Variants in COL10A1 observed in about 807,000 individuals in gnomAD.
COL10A1 encodes collagen alpha-1(X) chain.
A neutral mutation model predicts 18.2 loss-of-function variants in COL10A1; 10 were observed. That is an observed-to-expected ratio of 0.55 (90% confidence interval 0.34 to 0.93). The LOEUF (loss-of-function observed/expected upper bound fraction) is 0.93, where lower values mean the gene tolerates loss of function less well. Ranked by LOEUF, COL10A1 falls within the 40% of genes least tolerant of loss-of-function variation. The probability of loss-of-function intolerance (pLI) is 0.02; values close to 1 mark genes in which losing one functional copy is unlikely to be tolerated. For synonymous variants in COL10A1, 330 were observed against 316.6 expected (o/e 1.04, Z -0.45); for missense variants, 897 against 853.5 (o/e 1.05, Z -0.64).
the COL10A1 span, among the ~76,000 whole-genome samples, chr6:116,165,098 G>GAAAAAAAAAA: frequency 2.1e-4 from 21 of 101,038 alleles, no homozygotes; most frequent in East Asian, 9.2e-4. Context: ...CTCCGTCTCA[G>GAAAAAAAAAA]AAAAAAAAAA....
At chr6:116,191,830 A>C in the COL10A1 span, among the ~76,000 whole-genome samples, 2 of 152,048 alleles carry the variant, frequency 1.3e-5, no homozygotes, top group African/African-American at 2.4e-5. Context: ...CCCAAACCTT[A>C]AGGCTGCCTG....
rs1487240242 is a variant in COL10A1, at chr6:116,120,616, G to A, written c.1500C>T (p.His500=). The change falls in exon 3 of 3, where the codon CAC becomes CAT. Residue 500 remains histidine, a synonymous_variant. Coordinates refer to ENST00000651968, the MANE Select transcript of COL10A1 (RefSeq NM_000493.4). Reference sequence around the variant, plus strand: ...GCCCTGGAAGACCAGGCTCTCCAGAGTGGCCTCTTGGACCTGGAGGCCCTG... The same window carrying A: ...GCCCTGGAAGACCAGGCTCTCCAGAATGGCCTCTTGGACCTGGAGGCCCTG... ...GPPGPPGPRG[H]SGEPGLPGPP... is the part of the protein sequence containing the mutation. The A allele has an allele frequency of 1.3e-6, 2 of 1,565,212 alleles. No homozygotes were observed. The highest frequency in any genetic ancestry group is 2.4e-5 in the South Asian group (2 of 82,054).
intron 1 of COL10A1, among the ~76,000 whole-genome samples, chr6:116,156,038 A>T (rs1271698531): frequency 1.3e-5 from 2 of 152,220 alleles, no homozygotes; most frequent in South Asian, 2.1e-4. Context: ...GTAATAAAAC[A>T]TTATGATAGT....
At chr6:116,174,287 G>A in the COL10A1 span, among the ~76,000 whole-genome samples, 2 of 152,098 alleles carry the variant, frequency 1.3e-5, no homozygotes, top group South Asian at 2.1e-4. Flanking sequence ...TGACGGGTAG[G>A]TGTTAAATTC....
chr6:116,121,086 C>CCAT lies in COL10A1; in HGVS notation c.1027_1029dup (p.Met343dup). 1 of 1,613,954 alleles carries CCAT rather than the reference C, an allele frequency of 6.2e-7. No individual in the cohort carries two copies. On this transcript the variant is annotated inframe_insertion, in exon 3 of 3. Coordinates refer to ENST00000651968, the MANE Select transcript of COL10A1 (RefSeq NM_000493.4). ...GGGATGCCTTTTGGTCCTTGGGGTC[C>CCAT]CATATTCCCAGGGGGTCCAGTCAGA...
At chr6:116,176,251 A>G in the COL10A1 span, among the ~76,000 whole-genome samples, 1 of 152,148 alleles carries the variant, frequency 6.6e-6, no homozygotes, top group African/African-American at 2.4e-5. Flanking sequence ...GCTCCAGCTA[A>G]TGTTTCAGCT....
the COL10A1 span, among the ~76,000 whole-genome samples, chr6:116,182,563 T>C: frequency 6.6e-6 from 1 of 152,098 alleles, no homozygotes; most frequent in Non-Finnish European, 1.5e-5. Flanking sequence ...TTTTTATTTT[T>C]TGATTATGGC....
At chr6:116,178,082 TGTGTGTGCGC>T in the COL10A1 span, among the ~76,000 whole-genome samples, 2,508 of 107,212 alleles carry the variant, frequency 0.023, 31 homozygotes, top group South Asian at 0.065. Context: ...TGTGTGTGTG[TGTGTGTGCGC>T]GCGCGCGCGC....
the COL10A1 span, among the ~76,000 whole-genome samples, chr6:116,163,840 C>A: frequency 1.3e-5 from 2 of 151,964 alleles, no homozygotes; most frequent in Admixed American, 6.5e-5. Context: ...TTTTTTATTT[C>A]GGCCTCAATT....
At chr6:116,191,983 G>A in the COL10A1 span, among the ~76,000 whole-genome samples, 1 of 151,980 alleles carries the variant, frequency 6.6e-6, no homozygotes, top group Non-Finnish European at 1.5e-5. Flanking sequence ...TAGAAATTAC[G>A]AGCAAACATG....
upstream of COL10A1, among the ~76,000 whole-genome samples, chr6:116,126,523 G>C (rs1779317144): frequency 6.6e-6 from 1 of 152,016 alleles, no homozygotes; most frequent in Non-Finnish European, 1.5e-5. Flanking sequence ...TTCCTTGAAG[G>C]GGGTACTGGA....
At chr6:116,159,534 A>G (rs1439421969), upstream of COL10A1, among the ~76,000 whole-genome samples, 3 of 152,210 alleles carry the variant, frequency 2.0e-5, no homozygotes, top group African/African-American at 4.8e-5. Flanking sequence ...TGTCATGTGA[A>G]TAATTTGCAA....
chr6:116,164,374 A>G, the COL10A1 span, among the ~76,000 whole-genome samples: 1 of 152,070 alleles, frequency 6.6e-6, no homozygotes, highest in Non-Finnish European at 1.5e-5. Context: ...TGTTGGTTTA[A>G]AGTCTATTTT....
At chr6:116,179,759 C>T in the COL10A1 span, among the ~76,000 whole-genome samples, 1 of 152,086 alleles carries the variant, frequency 6.6e-6, no homozygotes, top group Non-Finnish European at 1.5e-5. Flanking sequence ...ATACACCTAT[C>T]TTTGATGTCC....
At chr6:116,172,966 A>T in the COL10A1 span, among the ~76,000 whole-genome samples, 1 of 152,208 alleles carries the variant, frequency 6.6e-6, no homozygotes, top group South Asian at 2.1e-4. Context: ...AATTATATTT[A>T]TATCTTGAGA....
At chr6:116,129,981 G>C (rs1779421600), upstream of COL10A1, among the ~76,000 whole-genome samples, 1 of 152,166 alleles carries the variant, frequency 6.6e-6, no homozygotes, top group Non-Finnish European at 1.5e-5. Flanking sequence ...TTTACAGAGA[G>C]TGGTATGATA....
chr6:116,134,122 CT>C (rs1211382115), intron 1 of COL10A1, among the ~76,000 whole-genome samples: 2 of 152,180 alleles, frequency 1.3e-5, no homozygotes, highest in Non-Finnish European at 2.9e-5. Context: ...CAAAACAGTG[CT>C]TGGGAATGCT....
At chr6:116,152,202 A>G (rs1385238970) in intron 1 of COL10A1, among the ~76,000 whole-genome samples, 1 of 152,196 alleles carries the variant, frequency 6.6e-6, no homozygotes, top group East Asian at 1.9e-4. Flanking sequence ...AAGATTTAGA[A>G]TTTGAAATGA....
upstream of COL10A1, among the ~76,000 whole-genome samples, chr6:116,161,819 A>G (rs895644723): frequency 6.6e-6 from 1 of 152,232 alleles, no homozygotes; most frequent in East Asian, 1.9e-4. Context: ...TGCTTTGGGC[A>G]GTATAGTCAT....
Sources: gnomAD v4.1 joint callset for allele counts (sites outside exome capture counted in the v4.1 genomes callset) on GRCh38, gnomAD v4.1.1 for gene constraint, MANE v1.5 for transcripts, NCBI Gene and HGNC (gene_info 2026-07-23, HGNC 2026-07-21) for gene names.